MSI2: variants seen among roughly 807,000 people sequenced by gnomAD.
The protein encoded by MSI2 is RNA-binding protein Musashi homolog 2.
Under a neutral mutation model 45.6 loss-of-function variants are expected in MSI2, and 17 were observed. The ratio of observed to expected loss-of-function variants is 0.37; its 90% CI spans 0.26 to 0.56. MSI2 has a LOEUF of 0.56. Ranked by LOEUF, MSI2 falls within the 20% of genes least tolerant of loss-of-function variation. The pLI, the probability that MSI2 is intolerant of heterozygous loss-of-function variation, is 0.77. For synonymous variants in MSI2, 156 were observed against 158.2 expected (o/e 0.99, Z 0.11); for missense variants, 293 against 444.2 (o/e 0.66, Z 3.06).
Position 57,680,185 on chromosome 17 carries a change from C to A in MSI2, c.*668C>A, listed in dbSNP as rs3210438. The stretch of plus-strand genomic sequence containing the variant: ...CTAATTAACAGACTTTCTAGCAGTT[C>A]TTTTTGTGATGTCTCTTTGTTAATC... On this transcript the variant is annotated 3_prime_UTR_variant, in exon 14 of 14. Coordinates refer to ENST00000284073, the MANE Select transcript of MSI2 (RefSeq NM_138962.4). 3 of 229,038 alleles carry A rather than the reference C, an allele frequency of 1.3e-5. No individual in the cohort carries two copies. Among genetic ancestry groups the A allele is most frequent in the African/African-American group, 6.6e-5 (3 of 45,258 alleles). 14.2% of individuals were successfully genotyped at this position (229,038 alleles called of 1,614,324 possible).
chr17:57,665,170 A>G (rs1421991945), intron 11 of MSI2, among the ~76,000 whole-genome samples: 1 of 152,202 alleles, frequency 6.6e-6, no homozygotes, highest in African/African-American at 2.4e-5. Context: ...CAGGGTCAGG[A>G]AGGCCACCCT....
At chr17:57,328,331 ATG>A (rs1913988715) in intron 5 of MSI2, among the ~76,000 whole-genome samples, 6 of 147,850 alleles carry the variant, frequency 4.1e-5, no homozygotes, top group African/African-American at 1.6e-4. Flanking sequence ...CCATCCATCC[ATG>A]CATCCATCCA....
chr17:57,267,711 A>G (rs1346882284), intron 5 of MSI2: 1 of 151,730 alleles, frequency 6.6e-6, no homozygotes, highest in Non-Finnish European at 1.5e-5. Flanking sequence ...GTTCATTGCC[A>G]ACTGTATGCG....
At chr17:57,479,059 G>T (rs936501667) in intron 6 of MSI2, among the ~76,000 whole-genome samples, 2 of 152,038 alleles carry the variant, frequency 1.3e-5, no homozygotes, top group Non-Finnish European at 2.9e-5. Flanking sequence ...GCCCCAGGGG[G>T]ATAACAGATA....
In MSI2 at chr17:57,415,464, G is replaced by T. The variant is rs115055026; in HGVS notation, c.405+13993G>T. ...ACCTGAGTTTGAATCCAGATCATTTGCTGTTAGCATTGTGACCCTGGGCTA... is the reference window on the plus strand; with the variant it reads ...ACCTGAGTTTGAATCCAGATCATTTTCTGTTAGCATTGTGACCCTGGGCTA... On this transcript the variant is annotated intron_variant, in intron 6 of 13. Coordinates refer to ENST00000284073, the MANE Select transcript of MSI2 (RefSeq NM_138962.4). 7.7e-3 allele frequency among the ~76,000 whole-genome samples: 1,172 copies of T among 152,278 alleles called. 11 individuals carry two copies. The highest frequency in any genetic ancestry group is 0.026 in the African/African-American group (1,098 of 41,570).
At chr17:57,615,448 GCT>G (rs1373492569) in intron 8 of MSI2, among the ~76,000 whole-genome samples, 5 of 152,238 alleles carry the variant, frequency 3.3e-5, no homozygotes, top group Non-Finnish European at 5.9e-5. Flanking sequence ...AACTTCTGAT[GCT>G]CTGTTTTCTC....
intron 6 of MSI2, among the ~76,000 whole-genome samples, chr17:57,491,601 G>A (rs2085873058): frequency 6.6e-6 from 1 of 152,202 alleles, no homozygotes; most frequent in African/African-American, 2.4e-5. Context: ...GAGGGCCTGG[G>A]GTCAGATGGG....
At chr17:57,456,160 T>C (rs888759526) in intron 6 of MSI2, among the ~76,000 whole-genome samples, 6 of 152,148 alleles carry the variant, frequency 3.9e-5, no homozygotes, top group South Asian at 2.1e-4. Context: ...TTCCGAACTT[T>C]CCTCTGTGGA....
chr17:57,306,014 C>T (rs1020590107), intron 5 of MSI2, among the ~76,000 whole-genome samples: 1 of 152,060 alleles, frequency 6.6e-6, no homozygotes, highest in Non-Finnish European at 1.5e-5. Flanking sequence ...CTGTTATGTG[C>T]CCCTAGGACA....
intron 5 of MSI2, among the ~76,000 whole-genome samples, chr17:57,346,509 A>G (rs986338646): frequency 4.6e-5 from 7 of 152,230 alleles, no homozygotes; most frequent in Non-Finnish European, 1.0e-4. Flanking sequence ...AATGTGAATA[A>G]GTGTAGTCCA....
In MSI2 at chr17:57,605,179, C is replaced by T. The variant is rs966662160; in HGVS notation, c.537+8229C>T. Among the ~76,000 whole-genome samples, 9 of 152,308 alleles carry T rather than the reference C, an allele frequency of 5.9e-5. 1 individual carries two copies. Among genetic ancestry groups the T allele is most frequent in the East Asian group, 3.9e-4 (2 of 5,168 alleles). On this transcript the variant is annotated intron_variant, in intron 8 of 13. Coordinates refer to ENST00000284073, the MANE Select transcript of MSI2 (RefSeq NM_138962.4). ...ATTTAATAAATGAATCTGGTGTTTA[C>T]GTGGGAGAGGGAGAGATCCTGCCCC... is the stretch of plus-strand genomic sequence containing the variant.
At chr17:57,648,919 TC>T (rs1383356226) in intron 10 of MSI2, among the ~76,000 whole-genome samples, 1 of 152,068 alleles carries the variant, frequency 6.6e-6, no homozygotes, top group Non-Finnish European at 1.5e-5. Flanking sequence ...CTGCCAGGCG[TC>T]TCTCCCCTGC....
At chr17:57,558,840 C>G (rs927824588) in intron 7 of MSI2, among the ~76,000 whole-genome samples, 1 of 152,168 alleles carries the variant, frequency 6.6e-6, no homozygotes, top group Admixed American at 6.5e-5. Context: ...GCGGGCAGAT[C>G]ACCTGAGGTC....
intron 5 of MSI2, among the ~76,000 whole-genome samples, chr17:57,378,064 G>A (rs1253514098): frequency 7.0e-6 from 1 of 142,946 alleles, no homozygotes; most frequent in Non-Finnish European, 1.5e-5. Flanking sequence ...GACAGAGCGA[G>A]ACATCATCTC....
intron 6 of MSI2, among the ~76,000 whole-genome samples, chr17:57,495,857 T>C (rs1200026874): frequency 6.6e-6 from 1 of 152,242 alleles, no homozygotes; most frequent in Admixed American, 6.5e-5. Flanking sequence ...ATATCTTCTG[T>C]TTTTGTATGT....
intron 10 of MSI2, chr17:57,629,769 C>G (rs1394862494): frequency 2.0e-5 from 3 of 152,808 alleles, no homozygotes; most frequent in Admixed American, 2.0e-4. Context: ...CTCGCTTCCC[C>G]TCCAGGGGAT....
intron 5 of MSI2, among the ~76,000 whole-genome samples, chr17:57,302,177 G>C (rs908861555): frequency 6.6e-6 from 1 of 152,150 alleles, no homozygotes; most frequent in African/African-American, 2.4e-5. Context: ...TGTGTATACA[G>C]TCTGTAATGA....
chr17:57,697,742 C>T, the MSI2 span, among the ~76,000 whole-genome samples: 1 of 152,112 alleles, frequency 6.6e-6, no homozygotes, highest in African/African-American at 2.4e-5. Context: ...AGGGGTTTCC[C>T]TTATAAAAAC....
At chr17:57,392,762 C>A (rs541598714) in intron 5 of MSI2, among the ~76,000 whole-genome samples, 1 of 152,068 alleles carries the variant, frequency 6.6e-6, no homozygotes, top group African/African-American at 2.4e-5. Context: ...TGATGAGAGA[C>A]GAAGCGGTGG....
Sources: gnomAD v4.1 joint callset for allele counts (sites outside exome capture counted in the v4.1 genomes callset) on GRCh38, gnomAD v4.1.1 for gene constraint, MANE v1.5 for transcripts, NCBI Gene and HGNC (gene_info 2026-07-23, HGNC 2026-07-21) for gene names.